FMNL3: variants seen among roughly 807,000 people sequenced by gnomAD.
FMNL3 encodes the protein formin-like protein 3.
In FMNL3, 57 loss-of-function variants were observed where a neutral mutation model predicts 119.6. The observed-to-expected ratio is 0.48, with a 90% CI of 0.39 to 0.59. The LOEUF is 0.59. Ranked by LOEUF, FMNL3 falls within the 20% of genes least tolerant of loss-of-function variation. FMNL3 has a pLI of 0.00. For missense variants in FMNL3, 1,053 were observed against 1,323.5 expected (o/e 0.80, Z 3.17); for synonymous variants, 491 against 507.3 (o/e 0.97, Z 0.43).
intron 1 of FMNL3, among the ~76,000 whole-genome samples, chr12:49,684,613 G>A (rs1158684791): frequency 3.3e-5 from 5 of 152,174 alleles, no homozygotes; most frequent in East Asian, 3.8e-4. Context: ...GGACGCCACC[G>A]CGACCTGTTG....
At chr12:49,675,379 C>A (rs956564421) in intron 1 of FMNL3, among the ~76,000 whole-genome samples, 1 of 152,222 alleles carries the variant, frequency 6.6e-6, no homozygotes, top group African/African-American at 2.4e-5. Flanking sequence ...CTGGGGGCAG[C>A]TTATTTTCCA....
intron 1 of FMNL3, among the ~76,000 whole-genome samples, chr12:49,680,230 T>A (rs1944301817): frequency 6.6e-6 from 1 of 152,318 alleles, no homozygotes; most frequent in East Asian, 1.9e-4. Context: ...TCATGACACA[T>A]CTAAGAGCTT....
In FMNL3 at chr12:49,647,248, C is replaced by T. The variant is rs763603378; in HGVS notation, c.2871+28G>A. On this transcript the variant is annotated intron_variant, in intron 24 of 25. Coordinates refer to ENST00000335154, the MANE Select transcript of FMNL3 (RefSeq NM_175736.5). This position sits in a 1 kb window ranked among gnomAD's most constrained non-coding sequence, Gnocchi z 4.9. ...CCCCACTCTTTTGCCTTGTCGTCCT[C>T]CAGGCCCCAGCTCTTGGTCCCACCC... The T allele has an allele frequency of 1.4e-5, 23 of 1,613,212 alleles. No individual in the cohort carries two copies. In the African/African-American group the frequency reaches 1.5e-4, roughly 10 times the overall value.
intron 1 of FMNL3, among the ~76,000 whole-genome samples, chr12:49,676,295 G>A (rs749196460): frequency 7.2e-5 from 11 of 152,136 alleles, no homozygotes; most frequent in Non-Finnish European, 1.6e-4. Context: ...CAGAAGTCGT[G>A]TGCACAACTT....
At chr12:49,680,748 A>G (rs2138944933) in intron 1 of FMNL3, among the ~76,000 whole-genome samples, 1 of 152,346 alleles carries the variant, frequency 6.6e-6, no homozygotes, top group East Asian at 1.9e-4. Flanking sequence ...CACGGATGAA[A>G]AACATTACTA....
At chr12:49,653,196 C>T in intron 13 of FMNL3, 30 bp downstream of exon 13, 2 of 1,603,034 alleles carry the variant, frequency 1.2e-6, no homozygotes, top group Non-Finnish European at 1.7e-6. Flanking sequence ...CAGGATCAGT[C>T]AGGGACTGCC....
In FMNL3 at chr12:49,637,511, T is replaced by C; in HGVS notation, c.*8304A>G. ...TGCATGAGACAGGGCAGCTGCACTCTATGTCCACCTGGATGGAGCTATATC... is the reference window on the plus strand; with the variant it reads ...TGCATGAGACAGGGCAGCTGCACTCCATGTCCACCTGGATGGAGCTATATC... On this transcript the variant is annotated 3_prime_UTR_variant, in exon 26 of 26. Coordinates refer to ENST00000335154, the MANE Select transcript of FMNL3 (RefSeq NM_175736.5). 6.2e-7 allele frequency: 1 copy of C among 1,613,866 alleles called. No individual in the cohort carries two copies. The highest frequency in any genetic ancestry group is 1.1e-5 in the South Asian group (1 of 91,090).
At chr12:49,650,027 A>ATT in intron 17 of FMNL3, 102 bp from the exon 18 acceptor site, 3 of 1,012,080 alleles carry the variant, frequency 3.0e-6, no homozygotes, top group Non-Finnish European at 4.3e-6. Flanking sequence ...AGGGGACTGT[A>ATT]CACGGAACAC....
chr12:49,673,414 G>A (rs992481679), intron 1 of FMNL3, among the ~76,000 whole-genome samples: 1 of 152,230 alleles, frequency 6.6e-6, no homozygotes, highest in African/African-American at 2.4e-5. Flanking sequence ...TTCCCACTAG[G>A]ATTCCCCTCA....
At position 49,636,609 on chromosome 12, in the gene FMNL3, G is replaced by C; in HGVS notation, c.*9206C>G. On this transcript the variant is annotated 3_prime_UTR_variant, in exon 26 of 26. Coordinates refer to ENST00000335154, the MANE Select transcript of FMNL3 (RefSeq NM_175736.5). ...CCAGGCCCTTCCCCCACCACCCTGG[G>C]TATCCCTAGCACCTGTAGGACAGCA... 6.7e-7 allele frequency: 1 copy of C among 1,502,808 alleles called. No homozygotes were observed. The allele number at this position is 1,502,808 out of a possible 1,614,324, so 93.1% of individuals were successfully genotyped here. A position where few individuals can be genotyped will look rare whatever the true frequency, so the allele number is the denominator to read the frequency against.
intron 4 of FMNL3, among the ~76,000 whole-genome samples, chr12:49,663,782 G>C (rs1943806866): frequency 6.6e-6 from 1 of 152,196 alleles, no homozygotes; most frequent in Admixed American, 6.5e-5. Context: ...ACTGCTCTGT[G>C]GCCTTCTCCC....
chr12:49,653,803 G>A lies in FMNL3; in HGVS notation c.1143C>T (p.Val381=), dbSNP rs764886419. 5 of 1,614,136 alleles carry A rather than the reference G, an allele frequency of 3.1e-6. No individual in the cohort carries two copies. Among genetic ancestry groups the A allele is most frequent in the South Asian group, 2.2e-5 (2 of 91,076 alleles). ...IQAYLDNVFD[V]GGLLEDAETK... is the part of the protein sequence containing the mutation. ...TCTCAGCATCCTCCAACAAACCCCC[G>A]ACATCAAACACGTTGTCCAGATATG... The change falls in exon 12 of 26, where the codon GTC becomes GTT. Residue 381 remains valine, a synonymous_variant. Transcript: ENST00000335154.
At chr12:49,665,507 G>A (rs1377517648) in intron 4 of FMNL3, among the ~76,000 whole-genome samples, 2 of 152,142 alleles carry the variant, frequency 1.3e-5, no homozygotes, top group East Asian at 1.9e-4. Flanking sequence ...TCTGAGCCTC[G>A]CTTGGCCCAG....
chr12:49,674,815 G>T (rs1944140310), intron 1 of FMNL3, among the ~76,000 whole-genome samples: 2 of 152,164 alleles, frequency 1.3e-5, no homozygotes, highest in African/African-American at 4.8e-5. Flanking sequence ...GAAATGACTT[G>T]CTGAGCAGTT....
chr12:49,707,398 A>ACGGAGGCGGC lies in FMNL3; in HGVS notation c.-219_-218insGCCGCCTCCG, dbSNP rs1188881548. On this transcript the variant is annotated 5_prime_UTR_variant, in exon 1 of 26. Coordinates refer to ENST00000335154, the MANE Select transcript of FMNL3 (RefSeq NM_175736.5). ...GGACAGCCGCACCGAAGCAAGGCGG[A>ACGGAGGCGGC]CGGAGGCGGCCGGCTCTTGCTCACA... is the stretch of plus-strand genomic sequence containing the variant. 2.7e-6 allele frequency: 1 copy of ACGGAGGCGGC among 365,858 alleles called. No homozygotes were observed. Among genetic ancestry groups the ACGGAGGCGGC allele is most frequent in the African/African-American group, 2.1e-5 (1 of 47,298 alleles). 22.7% of individuals were successfully genotyped at this position (365,858 alleles called of 1,614,324 possible). A position where few individuals can be genotyped will look rare whatever the true frequency, so the allele number is the denominator to read the frequency against.
chr12:49,670,568 A>G (rs191954132), intron 1 of FMNL3, among the ~76,000 whole-genome samples: 17 of 152,296 alleles, frequency 1.1e-4, no homozygotes, highest in African/African-American at 4.1e-4. Context: ...TACATGGAAG[A>G]ATTTAGGACC....
intron 13 of FMNL3, among the ~76,000 whole-genome samples, 199 bp from the exon 14 acceptor site, chr12:49,652,411 C>G (rs1345692006): frequency 1.3e-5 from 2 of 152,148 alleles, no homozygotes; most frequent in Non-Finnish European, 2.9e-5. Context: ...GAAGCTGCCT[C>G]CCTCCGCTGG....
rs1209556207 is a variant in FMNL3, at chr12:49,707,066, C to G, written c.115G>C (p.Ala39Pro). 1.3e-6 allele frequency: 2 copies of G among 1,585,640 alleles called. No individual in the cohort carries two copies. The highest frequency in any genetic ancestry group is 2.7e-5 in the African/African-American group (2 of 74,586). Reference protein sequence around the residue: ...PEPCELEERFALVLSSMNLPP... With the variant: ...PEPCELEERFPLVLSSMNLPP... ...GGCTCAGCTCTCACCAGCACCAGGG[C>G]GAACCTTTCCTCCAGCTCACAGGGC... The change falls in exon 1 of 26, where the codon GCC (alanine) becomes CCC (proline). Residue 39 changes from alanine (A) to proline (P), a missense_variant. By Grantham distance (27) the Ala-to-Pro change is conservative. This residue lies in a region of FMNL3 where 264 missense variants were observed against 265.5 expected (regional missense o/e 0.99). Coordinates refer to ENST00000335154, the MANE Select transcript of FMNL3 (RefSeq NM_175736.5).
At chr12:49,694,869 G>A (rs955480921) in intron 1 of FMNL3, among the ~76,000 whole-genome samples, 13 of 151,828 alleles carry the variant, frequency 8.6e-5, no homozygotes, top group East Asian at 3.9e-4. Context: ...CCGAGATTGC[G>A]CCACTGCACT....
Sources: gnomAD v4.1 joint callset for allele counts (sites outside exome capture counted in the v4.1 genomes callset) on GRCh38, gnomAD v4.1.1 for gene constraint, gnomAD v4.1.1 regional missense constraint, Gnocchi (gnomAD v3.1) non-coding constraint, MANE v1.5 for transcripts, NCBI Gene and HGNC (gene_info 2026-07-23, HGNC 2026-07-21) for gene names.